The following RBM20 variants were observed in gnomAD, a reference collection of about 807,000 sequenced individuals.
The protein encoded by RBM20 is RNA-binding protein 20.
In RBM20, 51 loss-of-function variants were observed where a neutral mutation model predicts 110.1. That is an observed-to-expected ratio of 0.46 (90% CI 0.37 to 0.59). The LOEUF (loss-of-function observed/expected upper bound fraction) is 0.59, where lower values mean the gene tolerates loss of function less well. Among genes scored for constraint, RBM20 ranks in the 20% least tolerant of loss-of-function variants. The pLI is 0.00. For missense variants in RBM20, 1,512 were observed against 1,574.9 expected, an observed-to-expected ratio of 0.96 and a Z score of 0.68; for synonymous variants, 589 against 618.2, an observed-to-expected ratio of 0.95 and a Z score of 0.70.
At chr10:110,827,012 ATTGTAT>A (rs1844990240) in intron 12 of RBM20, among the ~76,000 whole-genome samples, 1 of 152,056 alleles carries the variant, frequency 6.6e-6, no homozygotes, top group African/African-American at 2.4e-5. Flanking sequence ...GCCTTTACAG[ATTGTAT>A]TTGTTAATAG....
chr10:110,786,380 G>A (rs1282415537), intron 5 of RBM20, among the ~76,000 whole-genome samples: 2 of 152,254 alleles, frequency 1.3e-5, no homozygotes, highest in Non-Finnish European at 2.9e-5. Flanking sequence ...CATCAGGCCA[G>A]TAAGCTGTGA....
At chr10:110,651,800 C>T (rs1057296580) in intron 1 of RBM20, among the ~76,000 whole-genome samples, 10 of 152,170 alleles carry the variant, frequency 6.6e-5, no homozygotes, top group South Asian at 2.1e-4. Flanking sequence ...CTCATGCTTC[C>T]GTGTAGCCTC....
At position 110,692,690 on chromosome 10, in the gene RBM20, G is replaced by A. The variant is rs185346296; in HGVS notation, c.191+48045G>A. Among the ~76,000 whole-genome samples, 8 of 152,156 alleles carry A rather than the reference G, an allele frequency of 5.3e-5. No homozygotes were observed. In the South Asian group the frequency reaches 6.2e-4, roughly 12 times the overall value. ...TATAAAACCATGTCATTTGCAAACA[G>A]AAATAGTTTGACTTCTTCCTTCTCA... On this transcript the variant is annotated intron_variant, in intron 1 of 13. Transcript: ENST00000369519.
intron 1 of RBM20, among the ~76,000 whole-genome samples, chr10:110,707,892 A>G (rs1242868106): frequency 1.3e-5 from 2 of 152,246 alleles, no homozygotes; most frequent in African/African-American, 4.8e-5. Flanking sequence ...AATAACCAGA[A>G]GAGTGGAATT....
At chr10:110,833,940 G>T (rs536835024) in intron 13 of RBM20, among the ~76,000 whole-genome samples, 12 of 152,336 alleles carry the variant, frequency 7.9e-5, no homozygotes, top group African/African-American at 2.9e-4. Context: ...GGTAATGGCT[G>T]ACACTTAAAT....
chr10:110,665,927 A>G (rs1310909932), intron 1 of RBM20, among the ~76,000 whole-genome samples: 1 of 151,468 alleles, frequency 6.6e-6, no homozygotes, highest in Non-Finnish European at 1.5e-5. Context: ...ACCAGCCTGG[A>G]CAACATGGTG....
intron 1 of RBM20, among the ~76,000 whole-genome samples, chr10:110,769,292 G>T (rs1844153057): frequency 6.6e-6 from 1 of 152,130 alleles, no homozygotes; most frequent in Non-Finnish European, 1.5e-5. Flanking sequence ...TTTAGCCTAA[G>T]CCTTCTAGGG....
intron 1 of RBM20, among the ~76,000 whole-genome samples, chr10:110,750,590 C>A (rs1454236631): frequency 2.0e-5 from 3 of 152,220 alleles, no homozygotes; most frequent in Admixed American, 2.0e-4. Flanking sequence ...ACTTACCCGA[C>A]CTCTTAATTC....
chr10:110,749,940 T>C (rs564206615), intron 1 of RBM20, among the ~76,000 whole-genome samples: 10 of 152,284 alleles, frequency 6.6e-5, no homozygotes, highest in African/African-American at 2.2e-4. Context: ...TTAAAAAGAA[T>C]TCCTTAGAAA....
chr10:110,721,632 G>GAA (rs1843508276), intron 1 of RBM20, among the ~76,000 whole-genome samples: 18 of 152,062 alleles, frequency 1.2e-4, no homozygotes, highest in Admixed American at 1.2e-3. Context: ...CTCCCTAATT[G>GAA]GTGTCATCTT....
At chr10:110,797,296 A>T (rs888877137) in intron 5 of RBM20, among the ~76,000 whole-genome samples, 1 of 151,400 alleles carries the variant, frequency 6.6e-6, no homozygotes, top group Non-Finnish European at 1.5e-5. Context: ...CGGTCTCAAA[A>T]ATATATATAT....
intron 7 of RBM20, among the ~76,000 whole-genome samples, chr10:110,805,855 A>T (rs182330255): frequency 2.0e-4 from 30 of 152,340 alleles, no homozygotes; most frequent in Admixed American, 5.9e-4. Flanking sequence ...GAGCGGAATC[A>T]TTGTCATCAC....
chr10:110,708,733 A>G (rs972992329), intron 1 of RBM20, among the ~76,000 whole-genome samples: 4 of 152,228 alleles, frequency 2.6e-5, no homozygotes, highest in Admixed American at 2.0e-4. Flanking sequence ...GGAAACAAGA[A>G]ACAATAAAGA....
At chr10:110,770,921 T>G (rs995475450) in intron 1 of RBM20, among the ~76,000 whole-genome samples, 3 of 152,236 alleles carry the variant, frequency 2.0e-5, no homozygotes, top group African/African-American at 7.2e-5. Context: ...ACAAGAAGTC[T>G]GTTTGTTGAA....
At position 110,784,330 on chromosome 10, in the gene RBM20, G is replaced by A. The variant is rs372064165; in HGVS notation, c.1338-11G>A. On this transcript the variant is annotated splice_polypyrimidine_tract_variant and intron_variant, in intron 3 of 13. Coordinates refer to ENST00000369519, the MANE Select transcript of RBM20 (RefSeq NM_001134363.3). ...ATTAAGGAGCCGGTTTCCCTTTCTCGCCCTCTCCAGTGCTGGCATCCGGTG... is the reference window on the plus strand; with the variant it reads ...ATTAAGGAGCCGGTTTCCCTTTCTCACCCTCTCCAGTGCTGGCATCCGGTG... 49 of 1,544,222 alleles carry A rather than the reference G, an allele frequency of 3.2e-5. No individual in the cohort carries two copies. The highest frequency in any genetic ancestry group is 5.5e-5 in the African/African-American group (4 of 72,984).
At chr10:110,809,269 A>AG (rs369981930) in intron 7 of RBM20, among the ~76,000 whole-genome samples, 1 of 143,932 alleles carries the variant, frequency 6.9e-6, no homozygotes, top group Admixed American at 7.3e-5. Context: ...GAAAAAATCA[A>AG]GGAAAAAAAG....
Position 110,697,859 on chromosome 10 carries a change from A to C in RBM20, c.191+53214A>C, listed in dbSNP as rs187308437. Among the ~76,000 whole-genome samples the C allele has an allele frequency of 2.0e-5, 3 of 150,638 alleles. No homozygotes were observed. The East Asian group carries it at 5.8e-4, about 29-fold the overall frequency. ...CCACACCACAATCCCATCAATTCTC[A>C]ATTATTTATTCCCTCACATTGAAGA... On this transcript the variant is annotated intron_variant, in intron 1 of 13. Transcript: ENST00000369519.
intron 1 of RBM20, among the ~76,000 whole-genome samples, chr10:110,659,200 A>T (rs190498529): frequency 5.9e-5 from 9 of 152,330 alleles, no homozygotes; most frequent in Non-Finnish European, 8.8e-5. Context: ...TCTCCAGCTT[A>T]TGTTTTATTT....
intron 1 of RBM20, among the ~76,000 whole-genome samples, chr10:110,700,920 C>T (rs540815584): frequency 3.9e-5 from 6 of 152,208 alleles, no homozygotes; most frequent in African/African-American, 9.6e-5. Context: ...GAGGCTGAGA[C>T]GGGAGAATCG....
Sources: allele counts gnomAD v4.1 joint callset (sites outside exome capture counted in the v4.1 genomes callset), GRCh38; gene constraint gnomAD v4.1.1; transcripts MANE v1.5; gene names NCBI Gene and HGNC (gene_info 2026-07-23, HGNC 2026-07-21).